The following INPP5A variants were observed in gnomAD, a reference collection of about 807,000 sequenced individuals.
The protein encoded by INPP5A is 43 kDa inositol polyphosphate 5-phophatase.
INPP5A carries 14 observed loss-of-function variants against 65.2 expected under a neutral mutation model. The ratio of observed to expected loss-of-function variants is 0.21; its 90% confidence interval spans 0.14 to 0.34. The LOEUF is 0.34. Ranked by LOEUF, INPP5A falls within the 10% of genes least tolerant of loss-of-function variation. INPP5A has a pLI of 1.00. For synonymous variants in INPP5A, 207 were observed against 208.3 expected (o/e 0.99, Z 0.05); for missense variants, 431 against 545.6 (o/e 0.79, Z 2.09).
At chr10:132,656,959 G>A (rs983647596) in intron 4 of INPP5A, among the ~76,000 whole-genome samples, 1 of 152,206 alleles carries the variant, frequency 6.6e-6, no homozygotes, top group African/African-American at 2.4e-5. Context: ...GGGGACTTGG[G>A]CAGGCCTGAG....
intron 2 of INPP5A, among the ~76,000 whole-genome samples, chr10:132,645,577 A>G (rs2072483059): frequency 6.6e-6 from 1 of 152,188 alleles, no homozygotes; most frequent in Non-Finnish European, 1.5e-5. Context: ...ACATTTTTTT[A>G]ACTAGAAATA....
intron 4 of INPP5A, among the ~76,000 whole-genome samples, chr10:132,654,794 C>G (rs914107677): frequency 1.3e-5 from 2 of 152,244 alleles, no homozygotes; most frequent in African/African-American, 4.8e-5. Flanking sequence ...GTGGCCTGTT[C>G]CCAGAAGGCG....
intron 4 of INPP5A, among the ~76,000 whole-genome samples, chr10:132,669,197 G>A (rs1206770478): frequency 6.6e-6 from 1 of 152,162 alleles, no homozygotes; most frequent in African/African-American, 2.4e-5. Flanking sequence ...AGCTTGCAGT[G>A]AGCAGACATC....
In INPP5A at chr10:132,675,781, T is replaced by C. The variant is rs2072956514; in HGVS notation, c.307-14611T>C. Among the ~76,000 whole-genome samples, 1 of 152,186 alleles carries C rather than the reference T, an allele frequency of 6.6e-6. No individual in the cohort carries two copies. The highest frequency in any genetic ancestry group is 1.5e-5 in the Non-Finnish European group (1 of 68,022). ...AATATAATGGACATTTAAAACTCAATTAAGGCTTTTGAGTAGAGTTTTATA... is the reference window on the plus strand; with the variant it reads ...AATATAATGGACATTTAAAACTCAACTAAGGCTTTTGAGTAGAGTTTTATA... On this transcript the variant is annotated intron_variant, in intron 4 of 15. Coordinates refer to ENST00000368594, the MANE Select transcript of INPP5A (RefSeq NM_005539.5). This position sits in a 1 kb window ranked among gnomAD's most constrained non-coding sequence, Gnocchi z 4.2.
chr10:132,679,153 G>C (rs545089396), intron 4 of INPP5A, among the ~76,000 whole-genome samples: 2 of 152,380 alleles, frequency 1.3e-5, no homozygotes, highest in Non-Finnish European at 2.9e-5. Context: ...AGGGAGATGA[G>C]GGAGGTGGGT....
At chr10:132,598,965 G>C (rs1829299495) in intron 1 of INPP5A, among the ~76,000 whole-genome samples, 1 of 152,190 alleles carries the variant, frequency 6.6e-6, no homozygotes, top group Non-Finnish European at 1.5e-5. Flanking sequence ...CAACCCCCAT[G>C]ATTCAATTAC....
chr10:132,781,742 AG>A, intron 14 of INPP5A, 118 bp from the exon 15 acceptor site: 1 of 828,884 alleles, frequency 1.2e-6, no homozygotes, highest in Non-Finnish European at 2.0e-6. Flanking sequence ...AGCTCCTCCC[AG>A]CCCGGTTCAT....
intron 2 of INPP5A, among the ~76,000 whole-genome samples, chr10:132,629,059 G>C (rs756766890): frequency 3.3e-5 from 5 of 152,232 alleles, no homozygotes; most frequent in African/African-American, 1.2e-4. Context: ...GGAGGTGGCT[G>C]CCAGGTAGTG....
chr10:132,638,668 T>C (rs2072388488), intron 2 of INPP5A, among the ~76,000 whole-genome samples: 1 of 152,190 alleles, frequency 6.6e-6, no homozygotes. Flanking sequence ...CTTGGGCTTA[T>C]GTGATTCTCC....
intron 1 of INPP5A, among the ~76,000 whole-genome samples, chr10:132,581,558 T>G (rs1052001040): frequency 6.6e-6 from 1 of 152,154 alleles, no homozygotes; most frequent in African/African-American, 2.4e-5. Context: ...TTGGTGTTCT[T>G]GTTTTTTCAG....
chr10:132,726,977 T>C (rs1374431806), intron 9 of INPP5A, 72 bp downstream of exon 9: 2 of 1,102,320 alleles, frequency 1.8e-6, no homozygotes, highest in Non-Finnish European at 2.6e-6. Context: ...GGAAGGAGCG[T>C]GGCCCCTTAC....
chr10:132,618,482 C>A (rs1011075817), intron 2 of INPP5A, among the ~76,000 whole-genome samples: 16 of 152,220 alleles, frequency 1.1e-4, no homozygotes, highest in African/African-American at 3.6e-4. Context: ...GAGGCACTCT[C>A]ATTATTGCTC....
At chr10:132,685,532 A>G (rs2073104271) in intron 4 of INPP5A, among the ~76,000 whole-genome samples, 1 of 152,262 alleles carries the variant, frequency 6.6e-6, no homozygotes, top group African/African-American at 2.4e-5. Flanking sequence ...AGACCAGGTT[A>G]ATGATGTGTG....
intron 1 of INPP5A, among the ~76,000 whole-genome samples, chr10:132,578,128 C>T (rs1040244481): frequency 6.6e-6 from 1 of 152,178 alleles, no homozygotes; most frequent in Non-Finnish European, 1.5e-5. Context: ...AGTTATTTCA[C>T]CATTGGGAGA....
At position 132,600,180 on chromosome 10, in the gene INPP5A, T is replaced by C. The variant is rs185573166; in HGVS notation, c.76-7735T>C. On this transcript the variant is annotated intron_variant, in intron 1 of 15. Transcript: ENST00000368594. ...CTCTATCACATATTCAGGCTTCAAA[T>C]TTTCCAAGCTTTTATGCTCTGCTTC... Among the ~76,000 whole-genome samples, 5 of 152,358 alleles carry C rather than the reference T, an allele frequency of 3.3e-5. No homozygotes were observed. In the East Asian group the frequency reaches 9.6e-4, roughly 29 times the overall value.
chr10:132,709,533 C>A (rs55681537), intron 7 of INPP5A, among the ~76,000 whole-genome samples: 1 of 152,040 alleles, frequency 6.6e-6, no homozygotes, highest in African/African-American at 2.4e-5. Flanking sequence ...AGGGAACAGC[C>A]TTGGCATGGT....
In INPP5A at chr10:132,750,387, C is replaced by G. The variant is rs576228879; in HGVS notation, c.903+542C>G. Among the ~76,000 whole-genome samples the G allele has an allele frequency of 2.6e-5, 4 of 152,316 alleles. No homozygotes were observed. The South Asian group carries it at 8.3e-4, about 32-fold the overall frequency. On this transcript the variant is annotated intron_variant, in intron 11 of 15. Coordinates refer to ENST00000368594, the MANE Select transcript of INPP5A (RefSeq NM_005539.5). The stretch of plus-strand genomic sequence containing the variant: ...AGCACGTGTGTAAACAAGTGCGTGT[C>G]AATGGGAATGTGCGGCTCAGGTCGG...
intron 2 of INPP5A, among the ~76,000 whole-genome samples, chr10:132,610,479 A>AG (rs2071929464): frequency 6.6e-6 from 1 of 152,204 alleles, no homozygotes; most frequent in African/African-American, 2.4e-5. Context: ...TTCCCAAGCG[A>AG]GGTGCTGGCC....
chr10:132,630,253 G>T (rs927659192), intron 2 of INPP5A, among the ~76,000 whole-genome samples: 9 of 151,386 alleles, frequency 5.9e-5, no homozygotes, highest in Admixed American at 3.3e-4. Flanking sequence ...TCCATGAGGG[G>T]AAGGCGTCCA....
Sources: allele counts gnomAD v4.1 joint callset (sites outside exome capture counted in the v4.1 genomes callset), GRCh38; gene constraint gnomAD v4.1.1; non-coding constraint Gnocchi (gnomAD v3.1); transcripts MANE v1.5; gene names NCBI Gene and HGNC (gene_info 2026-07-23, HGNC 2026-07-21).